MREG: variants seen among roughly 807,000 people sequenced by gnomAD.
MREG encodes melanoregulin.
In MREG, 31 loss-of-function variants were observed where a neutral mutation model predicts 28.5. The observed-to-expected ratio is 1.09, with a 90% CI of 0.82 to 1.47. MREG has a LOEUF of 1.47. Ranked by LOEUF, MREG falls within the 40% of genes most tolerant of loss-of-function variation. MREG has a pLI of 0.00. For synonymous variants in MREG, 106 were observed against 95.2 expected, an observed-to-expected ratio of 1.11 and a Z score of -0.66; for missense variants, 256 against 257.4, an observed-to-expected ratio of 0.99 and a Z score of 0.04.
intron 2 of MREG, among the ~76,000 whole-genome samples, chr2:215,983,821 T>C (rs1473455616): frequency 6.6e-6 from 1 of 152,186 alleles, no homozygotes; most frequent in African/African-American, 2.4e-5. Context: ...GGCAGACACA[T>C]GTCATGAGAG....
intron 1 of MREG, 55 bp downstream of exon 1, chr2:216,013,178 G>A: frequency 6.7e-7 from 1 of 1,497,410 alleles, no homozygotes; most frequent in South Asian, 1.2e-5. Context: ...CCACACTCTC[G>A]GCGCCCGGCT....
intron 1 of MREG, among the ~76,000 whole-genome samples, chr2:216,007,602 G>A (rs6736127): frequency 0.39 from 59,292 of 151,514 alleles, 11,905 homozygotes; most frequent in Admixed American, 0.48. Context: ...GCTAATTTTT[G>A]TATTTTTAGT....
At chr2:215,963,148 G>A (rs545280820) in intron 2 of MREG, among the ~76,000 whole-genome samples, 50 of 152,082 alleles carry the variant, frequency 3.3e-4, no homozygotes, top group Non-Finnish European at 5.7e-4. Flanking sequence ...GAAAAAGAAT[G>A]TACAATTTGT....
intron 2 of MREG, among the ~76,000 whole-genome samples, chr2:215,964,160 T>G (rs372554724): frequency 6.6e-6 from 1 of 152,008 alleles, no homozygotes; most frequent in South Asian, 2.1e-4. Flanking sequence ...GAAAAAGCAT[T>G]TGATACAAAT....
chr2:216,000,702 C>T (rs908963096), intron 1 of MREG, among the ~76,000 whole-genome samples: 2 of 152,200 alleles, frequency 1.3e-5, no homozygotes, highest in Non-Finnish European at 2.9e-5. Context: ...TAGGACACAG[C>T]AGTTGCCTTA....
At chr2:216,020,355 C>CT (rs1694502763) in intron 1 of MREG, among the ~76,000 whole-genome samples, 1 of 152,188 alleles carries the variant, frequency 6.6e-6, no homozygotes, top group African/African-American at 2.4e-5. Flanking sequence ...CATCTCTGAG[C>CT]TCTGAGTTAT....
rs1864253 is a variant in MREG at position 216,013,285 on chromosome 2, C to A, written c.43G>T (p.Gly15Trp). ...GCGCGCTCCTCCAAGCACTCGCACC[C>A]GCAGCAGCAGCACACGGTTCTCAGC... Reference protein sequence around the residue: ...DWLRTVCCCCGCECLEERALP... With the variant: ...DWLRTVCCCCWCECLEERALP... The change falls in exon 1 of 5, where the codon GGG becomes TGG. Residue 15 changes from glycine to tryptophan, a missense_variant. Coordinates refer to ENST00000263268, the MANE Select transcript of MREG (RefSeq NM_018000.3). 1 of 1,548,898 alleles carries A rather than the reference C, an allele frequency of 6.5e-7. No homozygotes were observed. Among genetic ancestry groups the A allele is most frequent in the Non-Finnish European group, 8.7e-7 (1 of 1,146,242 alleles).
At chr2:216,004,601 C>A (rs917067712) in intron 1 of MREG, among the ~76,000 whole-genome samples, 1 of 151,790 alleles carries the variant, frequency 6.6e-6, no homozygotes, top group Non-Finnish European at 1.5e-5. Flanking sequence ...ATAGTAAATG[C>A]TCAATAAATA....
intron 1 of MREG, among the ~76,000 whole-genome samples, chr2:216,004,144 C>T (rs74540246): frequency 0.045 from 6,776 of 152,178 alleles, 220 homozygotes; most frequent in South Asian, 0.14. Flanking sequence ...TCTCCATCTA[C>T]CTAGAATGTT....
chr2:215,958,329 C>T (rs2105976966), intron 2 of MREG, among the ~76,000 whole-genome samples: 3 of 152,146 alleles, frequency 2.0e-5, no homozygotes, highest in Middle Eastern at 3.4e-3. Context: ...CAGAACCCAG[C>T]CAAGTCCTCT....
At chr2:216,000,573 G>C (rs970464687) in intron 1 of MREG, among the ~76,000 whole-genome samples, 1 of 152,230 alleles carries the variant, frequency 6.6e-6, no homozygotes, top group East Asian at 1.9e-4. Flanking sequence ...TCCCCCAGAT[G>C]TGTTTCATTT....
intron 2 of MREG, among the ~76,000 whole-genome samples, chr2:215,950,745 A>T: frequency 6.6e-6 from 1 of 152,238 alleles, no homozygotes; most frequent in South Asian, 2.1e-4. Context: ...ATAATTGGTA[A>T]GAGGAGAATC....
At chr2:215,986,625 G>A (rs1208272000) in intron 2 of MREG, among the ~76,000 whole-genome samples, 1 of 152,174 alleles carries the variant, frequency 6.6e-6, no homozygotes, top group Admixed American at 6.5e-5. Flanking sequence ...GGGTCAGGTG[G>A]AGATAACTGA....
intron 2 of MREG, among the ~76,000 whole-genome samples, chr2:215,963,265 C>G (rs1226266059): frequency 1.3e-5 from 2 of 151,864 alleles, no homozygotes; most frequent in East Asian, 3.9e-4. Context: ...TTCAGACCAG[C>G]CTGGGCAACA....
chr2:215,968,056 C>T (rs753939455), intron 2 of MREG, among the ~76,000 whole-genome samples: 3 of 152,208 alleles, frequency 2.0e-5, no homozygotes, highest in Non-Finnish European at 4.4e-5. Context: ...CACCTCTTCA[C>T]AGCACATCAG....
intron 1 of MREG, among the ~76,000 whole-genome samples, chr2:216,031,045 T>C (rs1694680757): frequency 1.3e-5 from 2 of 151,888 alleles, no homozygotes; most frequent in African/African-American, 2.4e-5. Flanking sequence ...AAACATCTGC[T>C]CTGTATCTCA....
At chr2:216,003,262 C>T (rs1694064963) in intron 1 of MREG, among the ~76,000 whole-genome samples, 1 of 152,080 alleles carries the variant, frequency 6.6e-6, no homozygotes, top group Non-Finnish European at 1.5e-5. Flanking sequence ...AAGCCCTGGG[C>T]ACCCCTTTCC....
intron 1 of MREG, among the ~76,000 whole-genome samples, chr2:216,027,034 G>A (rs1694607313): frequency 6.6e-6 from 1 of 152,158 alleles, no homozygotes. Context: ...GAAGTGTTAT[G>A]ATCATATACT....
intron 1 of MREG, among the ~76,000 whole-genome samples, chr2:216,000,652 A>G (rs1693993044): frequency 6.6e-6 from 1 of 152,130 alleles, no homozygotes; most frequent in African/African-American, 2.4e-5. Flanking sequence ...TATTTCTTCT[A>G]CATTTCTACA....
Sources: allele counts gnomAD v4.1 joint callset (sites outside exome capture counted in the v4.1 genomes callset), GRCh38; gene constraint gnomAD v4.1.1; transcripts MANE v1.5; gene names NCBI Gene and HGNC (gene_info 2026-07-23, HGNC 2026-07-21).